Variants in ITPRID1 observed in about 807,000 individuals in gnomAD.
The protein encoded by ITPRID1 is protein ITPRID1.
In ITPRID1, 96 loss-of-function variants were observed where a neutral mutation model predicts 95.4. The ratio of observed to expected loss-of-function variants is 1.01; its 90% CI spans 0.85 to 1.19. The LOEUF (loss-of-function observed/expected upper bound fraction) is 1.19, where lower values mean the gene tolerates loss of function less well. ITPRID1 is among the 50% of genes most tolerant of loss of function. The pLI, the probability that ITPRID1 is intolerant of heterozygous loss-of-function variation, is 0.00. For synonymous variants in ITPRID1, 510 were observed against 453.6 expected (o/e 1.12, Z -1.58); for missense variants, 1,339 against 1,252.9 (o/e 1.07, Z -1.04).
chr7:31,638,767 C>G (rs750079579), intron 10 of ITPRID1, among the ~76,000 whole-genome samples: 3 of 151,864 alleles, frequency 2.0e-5, no homozygotes, highest in Non-Finnish European at 4.4e-5. Context: ...ATTTTTCTTT[C>G]TTTTGTTTTT....
chr7:31,602,090 C>T (rs910097650), intron 10 of ITPRID1, among the ~76,000 whole-genome samples: 5 of 151,892 alleles, frequency 3.3e-5, no homozygotes, highest in Non-Finnish European at 5.9e-5. Flanking sequence ...TTAAAAGACA[C>T]ACTCAAATTC....
At chr7:31,569,571 C>T (rs1354707557) in intron 5 of ITPRID1, among the ~76,000 whole-genome samples, 187 bp from the exon 6 acceptor site, 82 of 152,180 alleles carry the variant, frequency 5.4e-4, no homozygotes, top group Non-Finnish European at 1.6e-4. Context: ...CATTTCTTCA[C>T]GTGTTTGTCA....
rs562272551 is a variant in ITPRID1, at chr7:31,649,865, G to A, written c.2584-1277G>A. ...AGTTAAAGCCATGAAAACAGATTGT[G>A]TTCAGCAACTACTGACAGCAGGGGA... On this transcript the variant is annotated intron_variant, in intron 12 of 14. Transcript: ENST00000615280. Among the ~76,000 whole-genome samples the A allele has an allele frequency of 2.0e-3, 303 of 152,280 alleles. 4 individuals carry two copies. The highest frequency in any genetic ancestry group is 5.0e-4 in the Non-Finnish European group (34 of 68,024).
rs1253719067 is a variant in ITPRID1 at position 31,549,494 on chromosome 7, T to G, written c.-29T>G. 6.6e-7 allele frequency: 1 copy of G among 1,525,234 alleles called. No homozygotes were observed. Among genetic ancestry groups the G allele is most frequent in the Admixed American group, 2.0e-5 (1 of 50,134 alleles). 94.5% of individuals were successfully genotyped at this position (1,525,234 alleles called of 1,614,324 possible). ...GAAAAAGAAAGAAAACTGACCAATATGAGTGGTGATTGTTTTGGATATATT... is the reference window on the plus strand; with the variant it reads ...GAAAAAGAAAGAAAACTGACCAATAGGAGTGGTGATTGTTTTGGATATATT... On this transcript the variant is annotated 5_prime_UTR_variant, in exon 2 of 15. The change abolishes an upstream ATG in the 5' untranslated region. Coordinates refer to ENST00000615280, the MANE Select transcript of ITPRID1 (RefSeq NM_001257967.3).
At chr7:31,535,883 G>A (rs1783741776) in intron 1 of ITPRID1, among the ~76,000 whole-genome samples, 1 of 151,894 alleles carries the variant, frequency 6.6e-6, no homozygotes. Flanking sequence ...TCTGTGTAGT[G>A]TGTCTTTGTC....
chr7:31,544,425 C>A (rs1166072267), intron 1 of ITPRID1, among the ~76,000 whole-genome samples: 1 of 152,114 alleles, frequency 6.6e-6, no homozygotes, highest in African/African-American at 2.4e-5. Flanking sequence ...TGCTTAGCAG[C>A]TCTTTGGTGA....
intron 10 of ITPRID1, among the ~76,000 whole-genome samples, chr7:31,633,338 C>T (rs1232548675): frequency 3.3e-5 from 5 of 152,098 alleles, no homozygotes; most frequent in East Asian, 3.9e-4. Context: ...AATACAAAGA[C>T]GAATTTCCTA....
intron 3 of ITPRID1, 21 bp from the exon 4 acceptor site, chr7:31,554,454 T>G: frequency 6.2e-7 from 1 of 1,610,276 alleles, no homozygotes; most frequent in East Asian, 2.2e-5. Flanking sequence ...GACTAACTGA[T>G]CTGTTCTTTC....
At chr7:31,651,761 A>G (rs1390378659) in intron 13 of ITPRID1, among the ~76,000 whole-genome samples, 178 bp from the exon 14 acceptor site, 1 of 137,854 alleles carries the variant, frequency 7.3e-6, no homozygotes, top group Non-Finnish European at 1.6e-5. Flanking sequence ...ATACTGCAAT[A>G]AAGTTGTTTT....
At chr7:31,602,837 G>T (rs934716673) in intron 10 of ITPRID1, among the ~76,000 whole-genome samples, 2 of 151,982 alleles carry the variant, frequency 1.3e-5, no homozygotes, top group Non-Finnish European at 1.5e-5. Flanking sequence ...TTCTCTCTCT[G>T]GTTATTTATT....
intron 8 of ITPRID1, among the ~76,000 whole-genome samples, chr7:31,576,279 G>A (rs73689141): frequency 0.011 from 1,654 of 152,134 alleles, 27 homozygotes; most frequent in African/African-American, 0.038. Flanking sequence ...ATTCAAAGTC[G>A]ATACAAATGT....
chr7:31,641,137 G>T (rs377107728), intron 10 of ITPRID1, among the ~76,000 whole-genome samples: 17 of 152,248 alleles, frequency 1.1e-4, no homozygotes, highest in Middle Eastern at 6.8e-3. Flanking sequence ...TGCTGCTCTT[G>T]TGAGTGGAAC....
intron 1 of ITPRID1, chr7:31,518,018 G>A (rs1385998312): frequency 6.6e-6 from 1 of 152,352 alleles, no homozygotes; most frequent in African/African-American, 2.4e-5. Context: ...GTAAGTTGAA[G>A]ATCTTGAGAA....
chr7:31,632,393 G>A (rs1789089270), intron 10 of ITPRID1, among the ~76,000 whole-genome samples: 1 of 152,152 alleles, frequency 6.6e-6, no homozygotes, highest in Non-Finnish European at 1.5e-5. Context: ...GTTGCAATGA[G>A]CCGAGATTGT....
At chr7:31,558,067 AT>A (rs1274295320) in intron 5 of ITPRID1, among the ~76,000 whole-genome samples, 1 of 151,926 alleles carries the variant, frequency 6.6e-6, no homozygotes, top group East Asian at 1.9e-4. Flanking sequence ...TTATCATGGG[AT>A]TGGGTTAATT....
chr7:31,525,856 G>C (rs780691539), intron 1 of ITPRID1, among the ~76,000 whole-genome samples: 3 of 152,106 alleles, frequency 2.0e-5, no homozygotes, highest in African/African-American at 4.8e-5. Context: ...ATTGCCTCCT[G>C]TTTATTCTTG....
chr7:31,520,949 A>T (rs1375688926), intron 1 of ITPRID1, among the ~76,000 whole-genome samples: 4 of 151,956 alleles, frequency 2.6e-5, no homozygotes, highest in Admixed American at 2.6e-4. Flanking sequence ...CCCTGGCTTC[A>T]CATTACAAAG....
chr7:31,539,171 T>TAC (rs1168272497), intron 1 of ITPRID1, among the ~76,000 whole-genome samples: 1 of 152,106 alleles, frequency 6.6e-6, no homozygotes, highest in African/African-American at 2.4e-5. Flanking sequence ...TGTGTGAACA[T>TAC]AAGTTTTTTT....
intron 10 of ITPRID1, among the ~76,000 whole-genome samples, chr7:31,618,722 T>G (rs923098606): frequency 6.6e-6 from 1 of 152,166 alleles, no homozygotes; most frequent in Non-Finnish European, 1.5e-5. Flanking sequence ...AAACCAAGGC[T>G]CTTAAAAGCT....
Sources: allele counts gnomAD v4.1 joint callset (sites outside exome capture counted in the v4.1 genomes callset), GRCh38; gene constraint gnomAD v4.1.1; transcripts MANE v1.5; gene names NCBI Gene and HGNC (gene_info 2026-07-23, HGNC 2026-07-21).